The following XPO7 variants were observed in gnomAD, a reference collection of about 807,000 sequenced individuals.
The protein encoded by XPO7 is exportin 7, also known as exportin-7.
In XPO7, 21 loss-of-function variants were observed where a neutral mutation model predicts 144.3. That is an observed-to-expected ratio of 0.15 (90% CI 0.10 to 0.21). The LOEUF (loss-of-function observed/expected upper bound fraction) is 0.21, where lower values mean the gene tolerates loss of function less well. XPO7 is among the 10% of genes least tolerant of loss of function. The pLI, the probability that XPO7 is intolerant of heterozygous loss-of-function variation, is 1.00. For missense variants in XPO7, 808 were observed against 1,325.8 expected (o/e 0.61, Z 6.06); for synonymous variants, 580 against 499.6 (o/e 1.16, Z -2.15).
At chr8:21,928,355 G>A (rs1471419225) in intron 1 of XPO7, among the ~76,000 whole-genome samples, 1 of 152,190 alleles carries the variant, frequency 6.6e-6, no homozygotes, top group Non-Finnish European at 1.5e-5. Context: ...CATTCAGGTT[G>A]TTCCCAGTTT....
chr8:22,004,079 C>T (rs1467531198), intron 27 of XPO7, 49 bp downstream of exon 27: 2 of 1,606,970 alleles, frequency 1.2e-6, no homozygotes, highest in Non-Finnish European at 1.7e-6. Flanking sequence ...TGCTATTTTT[C>T]AAATCAACGA....
chr8:21,984,553 G>A (rs1812514625), intron 11 of XPO7, 93 bp from the exon 12 acceptor site: 3 of 1,193,388 alleles, frequency 2.5e-6, no homozygotes, highest in Non-Finnish European at 3.4e-6. Flanking sequence ...AGTCAGAAAT[G>A]GTGGCTAAGT....
chr8:21,999,815 C>G (rs1272547381), intron 24 of XPO7, 141 bp downstream of exon 24: 3 of 1,077,450 alleles, frequency 2.8e-6, no homozygotes, highest in Non-Finnish European at 4.0e-6. Flanking sequence ...GTATATAATG[C>G]ACAGCACATG....
chr8:21,995,980 C>T (rs1001566757), intron 21 of XPO7, among the ~76,000 whole-genome samples: 10 of 151,964 alleles, frequency 6.6e-5, no homozygotes, highest in African/African-American at 4.8e-5. Flanking sequence ...CACACCCGGC[C>T]GATTTTTTGT....
In XPO7 at chr8:21,995,508, C is replaced by G. The variant is rs987191375; in HGVS notation, c.2254C>G (p.Pro752Ala). 1 of 1,608,214 alleles carries G rather than the reference C, an allele frequency of 6.2e-7. No homozygotes were observed. Among genetic ancestry groups the G allele is most frequent in the Non-Finnish European group, 8.5e-7 (1 of 1,177,000 alleles). ...CATTTACAGATATCCATCCTATATG[C>G]CAATTCTCCAACGGGCAATTGAGCT... ...LFEWIYPSYMPILQRAIELWY... is the reference protein window; with the variant it reads ...LFEWIYPSYMAILQRAIELWY... Residue 752 changes from proline (P) to alanine (A), a missense_variant, in exon 21 of 28, where the codon CCA (proline) becomes GCA (alanine). Coordinates refer to ENST00000252512, the MANE Select transcript of XPO7 (RefSeq NM_015024.5).
intron 1 of XPO7, among the ~76,000 whole-genome samples, chr8:21,962,044 A>G (rs1292537230): frequency 6.6e-6 from 1 of 152,220 alleles, no homozygotes; most frequent in African/African-American, 2.4e-5. Flanking sequence ...ACACCTTTTC[A>G]TTTGTTTATT....
intron 21 of XPO7, among the ~76,000 whole-genome samples, chr8:21,996,002 A>G (rs1812935891): frequency 6.6e-6 from 1 of 152,048 alleles, no homozygotes; most frequent in South Asian, 2.1e-4. Flanking sequence ...TTTTTAGTAG[A>G]GACAGGGTTT....
At chr8:21,938,007 T>A (rs1810875731) in intron 1 of XPO7, among the ~76,000 whole-genome samples, 1 of 152,180 alleles carries the variant, frequency 6.6e-6, no homozygotes, top group African/African-American at 2.4e-5. Context: ...ACTTTCTGCA[T>A]ATATAACCCC....
At chr8:21,986,999 C>A in intron 13 of XPO7, 142 bp from the exon 14 acceptor site, 2 of 1,189,294 alleles carry the variant, frequency 1.7e-6, no homozygotes, top group Non-Finnish European at 2.4e-6. Flanking sequence ...GTCCTGCCTC[C>A]CTCATTTATG....
rs56062629 is a variant in XPO7, at chr8:21,990,344, G to A, written c.1869G>A (p.Gly623=). The A allele has an allele frequency of 1.5e-5, 24 of 1,613,174 alleles. No homozygotes were observed. Among genetic ancestry groups the A allele is most frequent in the Admixed American group, 8.3e-5 (5 of 59,978 alleles). ...CTTGACCTTCTTCCTTTGTCTTCAC[G>A]TACAGTAGCGTAAGGAAGCTAGTGA... ...TLQLLNDLSI[G]YSSVRKLVKL... Residue 623 remains glycine, a splice_region_variant and synonymous_variant, in exon 17 of 28, where the codon GGG becomes GGA. Coordinates refer to ENST00000252512, the MANE Select transcript of XPO7 (RefSeq NM_015024.5).
At chr8:21,958,918 G>A (rs775764575) in intron 1 of XPO7, among the ~76,000 whole-genome samples, 4 of 148,388 alleles carry the variant, frequency 2.7e-5, no homozygotes, top group Admixed American at 6.8e-5. Flanking sequence ...CCGAGTTCGC[G>A]CCACTACACT....
rs184823198 is a variant in XPO7, at chr8:21,980,831, A to C, written c.957+628A>C. Reference sequence around the variant, plus strand: ...TGATTTTGTTTACCATTTTTAAAAAATGTTTATCGGTAACCTAAGTATATA... The same window carrying C: ...TGATTTTGTTTACCATTTTTAAAAACTGTTTATCGGTAACCTAAGTATATA... On this transcript the variant is annotated intron_variant, in intron 9 of 27. Coordinates refer to ENST00000252512, the MANE Select transcript of XPO7 (RefSeq NM_015024.5). 2.7e-3 allele frequency among the ~76,000 whole-genome samples: 415 copies of C among 152,238 alleles called. 3 individuals are homozygous for C. The highest frequency in any genetic ancestry group is 0.026 in the South Asian group (126 of 4,820).
At chr8:21,974,193 A>T (rs1563327907) in intron 5 of XPO7, among the ~76,000 whole-genome samples, 2 of 150,416 alleles carry the variant, frequency 1.3e-5, no homozygotes, top group South Asian at 4.2e-4. Flanking sequence ...CGATTTTTTT[A>T]TTTTTTTATT....
intron 1 of XPO7, among the ~76,000 whole-genome samples, chr8:21,951,658 C>T (rs1196148895): frequency 1.3e-5 from 2 of 152,186 alleles, no homozygotes; most frequent in Non-Finnish European, 2.9e-5. Context: ...AATATTAATG[C>T]AGCTTATCAG....
Position 22,006,364 on chromosome 8 carries a change from C to G in XPO7, c.*1276C>G, listed in dbSNP as rs1341668542. ...TTGTTGCTGCTAGTTGTACACATCT[C>G]TAGTTCAGCTCTTGCCCACGGGACA... is the stretch of plus-strand genomic sequence containing the variant. On this transcript the variant is annotated 3_prime_UTR_variant, in exon 28 of 28. Coordinates refer to ENST00000252512, the MANE Select transcript of XPO7 (RefSeq NM_015024.5). 6.6e-6 allele frequency: 1 copy of G among 152,160 alleles called. No individual in the cohort carries two copies. Among genetic ancestry groups the G allele is most frequent in the African/African-American group, 2.4e-5 (1 of 41,434 alleles). 9.4% of individuals were successfully genotyped at this position (152,160 alleles called of 1,614,324 possible). A position where few individuals can be genotyped will look rare whatever the true frequency, so the allele number is the denominator to read the frequency against.
chr8:22,006,513 A>G lies in XPO7; in HGVS notation c.*1425A>G, dbSNP rs1038770229. ...TTTCTTGCGTGATCAGGTTGCGGAT[A>G]GACTTGTAAGGGTGTTTGCTGCATA... On this transcript the variant is annotated 3_prime_UTR_variant, in exon 28 of 28. Coordinates refer to ENST00000252512, the MANE Select transcript of XPO7 (RefSeq NM_015024.5). 7 of 152,144 alleles carry G rather than the reference A, an allele frequency of 4.6e-5. No individual in the cohort carries two copies. The highest frequency in any genetic ancestry group is 1.7e-4 in the African/African-American group (7 of 41,406). The allele number at this position is 152,144 out of a possible 1,614,324, so 9.4% of individuals were successfully genotyped here.
intron 1 of XPO7, among the ~76,000 whole-genome samples, chr8:21,937,202 T>C (rs762604643): frequency 5.9e-5 from 9 of 152,238 alleles, no homozygotes; most frequent in Non-Finnish European, 1.2e-4. Context: ...ATGACCACCA[T>C]AGAGCATACA....
chr8:21,993,687 G>A (rs573597820), intron 19 of XPO7, among the ~76,000 whole-genome samples: 1 of 152,176 alleles, frequency 6.6e-6, no homozygotes, highest in African/African-American at 2.4e-5. Flanking sequence ...GCCTCTTTAA[G>A]CCTCAGTCTC....
intron 1 of XPO7, among the ~76,000 whole-genome samples, chr8:21,940,882 T>TGC: frequency 6.6e-6 from 1 of 152,122 alleles, no homozygotes; most frequent in East Asian, 1.9e-4. Flanking sequence ...GATGCATCTG[T>TGC]AGTTTTCAGG....
Sources: allele counts gnomAD v4.1 joint callset (sites outside exome capture counted in the v4.1 genomes callset), GRCh38; gene constraint gnomAD v4.1.1; transcripts MANE v1.5; gene names NCBI Gene and HGNC (gene_info 2026-07-23, HGNC 2026-07-21).